The following SUPT3H variants were observed in gnomAD, a reference collection of about 807,000 sequenced individuals.
The protein encoded by SUPT3H is transcription initiation protein SPT3 homolog.
In SUPT3H, 44 loss-of-function variants were observed where a neutral mutation model predicts 44.3. That is an observed-to-expected ratio of 0.99 (90% CI 0.78 to 1.28). The LOEUF (loss-of-function observed/expected upper bound fraction) is 1.28, where lower values mean the gene tolerates loss of function less well. SUPT3H is among the 50% of genes most tolerant of loss of function. The probability of loss-of-function intolerance (pLI) is 0.00; values close to 1 mark genes in which losing one functional copy is unlikely to be tolerated. For missense variants in SUPT3H, 380 were observed against 387.1 expected (o/e 0.98, Z 0.15); for synonymous variants, 124 against 125.6 (o/e 0.99, Z 0.09).
At chr6:45,152,451 T>TCCCA (rs376207123) in intron 2 of SUPT3H, among the ~76,000 whole-genome samples, 108 of 152,248 alleles carry the variant, frequency 7.1e-4, no homozygotes, top group African/African-American at 2.6e-3. Flanking sequence ...TTCACCTCTG[T>TCCCA]CCCACCTGAT....
At chr6:45,204,828 A>C (rs1762979921) in intron 2 of SUPT3H, among the ~76,000 whole-genome samples, 1 of 152,048 alleles carries the variant, frequency 6.6e-6, no homozygotes, top group Non-Finnish European at 1.5e-5. Flanking sequence ...CTAATCAATC[A>C]CCAGATCCTA....
chr6:45,171,549 A>T (rs1810766471), intron 2 of SUPT3H, among the ~76,000 whole-genome samples: 1 of 152,166 alleles, frequency 6.6e-6, no homozygotes, highest in Non-Finnish European at 1.5e-5. Context: ...ATAACTGAAG[A>T]GGACCTTTCA....
chr6:44,905,918 G>A (rs1030041383), intron 10 of SUPT3H, among the ~76,000 whole-genome samples: 5 of 151,894 alleles, frequency 3.3e-5, no homozygotes, highest in Admixed American at 6.6e-5. Flanking sequence ...GCAAACTATC[G>A]CAAGGACAAA....
chr6:45,181,997 T>A (rs1813333324), intron 2 of SUPT3H, among the ~76,000 whole-genome samples: 2 of 152,164 alleles, frequency 1.3e-5, no homozygotes, highest in South Asian at 4.1e-4. Flanking sequence ...AAAGGCACAG[T>A]GGTTGAGAGT....
chr6:45,179,925 T>C (rs12204110), intron 2 of SUPT3H, among the ~76,000 whole-genome samples: 34,379 of 151,928 alleles, frequency 0.23, 4,532 homozygotes, highest in Non-Finnish European at 0.31. Context: ...GGAAGTCAAA[T>C]TGTCCCTGTT....
At chr6:45,014,988 C>T (rs1430316389) in intron 4 of SUPT3H, 97 bp from the exon 5 acceptor site, 10 of 612,120 alleles carry the variant, frequency 1.6e-5, no homozygotes, top group Non-Finnish European at 2.5e-5. Flanking sequence ...AACTTGTACC[C>T]CATGATATCA....
At chr6:44,872,515 G>A (rs1234454455) in intron 10 of SUPT3H, among the ~76,000 whole-genome samples, 1 of 151,782 alleles carries the variant, frequency 6.6e-6, no homozygotes, top group Admixed American at 6.6e-5. Context: ...ACATGGAAAG[G>A]AACAACCGGT....
intron 10 of SUPT3H, among the ~76,000 whole-genome samples, chr6:44,870,216 C>G (rs1248012956): frequency 6.6e-6 from 1 of 152,196 alleles, no homozygotes; most frequent in East Asian, 1.9e-4. Flanking sequence ...CCTCACAAAA[C>G]AGCTCTTTCA....
At chr6:45,184,931 C>A (rs2153615224) in intron 2 of SUPT3H, among the ~76,000 whole-genome samples, 1 of 152,266 alleles carries the variant, frequency 6.6e-6, no homozygotes, top group East Asian at 1.9e-4. Flanking sequence ...CCACTTTCAG[C>A]AGGCCAAATG....
intron 6 of SUPT3H, among the ~76,000 whole-genome samples, chr6:44,991,113 A>G (rs1780557877): frequency 6.6e-6 from 1 of 152,080 alleles, no homozygotes; most frequent in East Asian, 1.9e-4. Flanking sequence ...TCTTCAAGGT[A>G]GGACATGTAA....
chr6:45,229,745 T>C (rs1360700357), intron 2 of SUPT3H, among the ~76,000 whole-genome samples: 1 of 152,164 alleles, frequency 6.6e-6, no homozygotes, highest in Non-Finnish European at 1.5e-5. Context: ...TGTATGATAA[T>C]GTTTGTTACA....
chr6:45,337,536 G>T (rs1270493369), intron 2 of SUPT3H, among the ~76,000 whole-genome samples: 1 of 151,730 alleles, frequency 6.6e-6, no homozygotes, highest in African/African-American at 2.4e-5. Flanking sequence ...AAGTTCTTTT[G>T]CTACGCCATA....
At chr6:45,175,012 T>TAAAAAAAAA (rs57838175) in intron 2 of SUPT3H, among the ~76,000 whole-genome samples, 17 of 62,482 alleles carry the variant, frequency 2.7e-4, no homozygotes, top group East Asian at 1.3e-3. Flanking sequence ...CCCTCGTCAC[T>TAAAAAAAAA]AAAAAAAAAA....
intron 1 of SUPT3H, among the ~76,000 whole-genome samples, chr6:45,367,757 C>G (rs1046234829): frequency 3.3e-5 from 5 of 152,210 alleles, no homozygotes; most frequent in Non-Finnish European, 7.3e-5. Context: ...TGAGACACTG[C>G]TGGAGCAATC....
At chr6:44,901,420 T>C (rs1220705132) in intron 10 of SUPT3H, among the ~76,000 whole-genome samples, 3 of 152,024 alleles carry the variant, frequency 2.0e-5, no homozygotes, top group Non-Finnish European at 2.9e-5. Context: ...AGAAAGGGTA[T>C]CAGTGATGGA....
chr6:45,181,400 T>A (rs1485464436), intron 2 of SUPT3H, among the ~76,000 whole-genome samples: 3 of 151,938 alleles, frequency 2.0e-5, no homozygotes, highest in South Asian at 4.2e-4. Context: ...CATGCTGCTA[T>A]AAAGACACAT....
intron 10 of SUPT3H, among the ~76,000 whole-genome samples, chr6:44,843,054 A>G (rs1377052276): frequency 6.6e-6 from 1 of 152,212 alleles, no homozygotes; most frequent in Non-Finnish European, 1.5e-5. Context: ...GAAATTTTAG[A>G]AATAGTAAAA....
At chr6:45,010,632 A>C (rs1583034902) in intron 5 of SUPT3H, among the ~76,000 whole-genome samples, 1 of 152,178 alleles carries the variant, frequency 6.6e-6, no homozygotes, top group Non-Finnish European at 1.5e-5. Context: ...TTCATGGCTT[A>C]CAGATGACAT....
chr6:45,052,935 AGT>A (rs1790527298), intron 3 of SUPT3H, among the ~76,000 whole-genome samples: 1 of 152,198 alleles, frequency 6.6e-6, no homozygotes, highest in African/African-American at 2.4e-5. Context: ...GAGTGAATAG[AGT>A]GAGAGAGGAA....
Sources: gnomAD v4.1 joint callset for allele counts (sites outside exome capture counted in the v4.1 genomes callset) on GRCh38, gnomAD v4.1.1 for gene constraint, MANE v1.5 for transcripts, NCBI Gene and HGNC (gene_info 2026-07-23, HGNC 2026-07-21) for gene names.